RPS6KA6: variants seen among roughly 807,000 people sequenced by gnomAD.
RPS6KA6 encodes the protein ribosomal protein S6 kinase A6.
A neutral mutation model predicts 65.4 loss-of-function variants in RPS6KA6; 27 were observed. That is an observed-to-expected ratio of 0.41 (90% confidence interval 0.30 to 0.57). The LOEUF (loss-of-function observed/expected upper bound fraction) is 0.57, where lower values mean the gene tolerates loss of function less well. RPS6KA6 is among the 20% of genes least tolerant of loss of function. The pLI is 0.24. For missense variants in RPS6KA6, 486 were observed against 555.6 expected (o/e 0.87, Z 1.26); for synonymous variants, 190 against 184.2 (o/e 1.03, Z -0.26).
At chrX:84,168,078 G>C (rs2035625317) in intron 1 of RPS6KA6, among the ~76,000 whole-genome samples, 2 of 111,339 alleles carry the variant, frequency 1.8e-5, no homozygotes, top group Admixed American at 9.6e-5. Context: ...TATCTTATTT[G>C]ATCTCTCTGC....
Position 84,063,699 on chromosome X carries a change from G to T in RPS6KA6, c.*578C>A, listed in dbSNP as rs961290306. 1.8e-5 allele frequency: 2 copies of T among 111,753 alleles called. No homozygotes were observed. The highest frequency in any genetic ancestry group is 9.5e-5 in the Admixed American group (1 of 10,511). The allele number at this position is 111,753 out of a possible 1,213,427, so 9.2% of individuals were successfully genotyped here. ...AAAACTTTGGCACCAACTATATCAA[G>T]AATTCATATATTAGCACAAATGTAT... is the stretch of plus-strand genomic sequence containing the variant. On this transcript the variant is annotated 3_prime_UTR_variant, in exon 22 of 22. Transcript: ENST00000262752.
At chrX:84,072,670 T>C (rs1302515865) in intron 20 of RPS6KA6, among the ~76,000 whole-genome samples, 2 of 111,881 alleles carry the variant, frequency 1.8e-5, no homozygotes, top group East Asian at 2.8e-4. Context: ...CCACCAAAAA[T>C]TGTTAGAATA....
chrX:84,150,004 C>T (rs1240801406), intron 3 of RPS6KA6, among the ~76,000 whole-genome samples: 1 of 112,267 alleles, frequency 8.9e-6, no homozygotes, highest in Non-Finnish European at 1.9e-5. Flanking sequence ...GCTAGATCTT[C>T]TGACTAACCT....
At position 84,176,922 on chromosome X, in the gene RPS6KA6, T is replaced by G. The variant is rs182334151; in HGVS notation, c.81+10897A>C. On this transcript the variant is annotated intron_variant, in intron 1 of 21. Coordinates refer to ENST00000262752, the MANE Select transcript of RPS6KA6 (RefSeq NM_014496.5). ...TCAAATTCTACCTGATATGTGTGGG[T>G]TTTTTTCCATTAATAAATGTTTGCT... Among the ~76,000 whole-genome samples, 1,002 of 111,106 alleles carry G rather than the reference T, an allele frequency of 9.0e-3. 15 individuals are homozygous for G. The highest frequency in any genetic ancestry group is 0.032 in the African/African-American group (964 of 30,591).
At chrX:84,163,950 A>C (rs1041251705) in intron 2 of RPS6KA6, among the ~76,000 whole-genome samples, 2 of 112,117 alleles carry the variant, frequency 1.8e-5, no homozygotes, top group Non-Finnish European at 3.8e-5. Flanking sequence ...ATACAGTTCA[A>C]TATTTCCAAG....
At chrX:84,174,714 CTA>C (rs2035738312) in intron 1 of RPS6KA6, among the ~76,000 whole-genome samples, 1 of 111,632 alleles carries the variant, frequency 9.0e-6, no homozygotes, top group Admixed American at 9.5e-5. Flanking sequence ...CCACCTTACC[CTA>C]TGAAGACTTC....
intron 12 of RPS6KA6, among the ~76,000 whole-genome samples, chrX:84,115,362 A>C (rs2034544981): frequency 1.8e-5 from 2 of 112,081 alleles, no homozygotes; most frequent in Non-Finnish European, 1.9e-5. Flanking sequence ...AATGCTCAAT[A>C]TCACTAATCA....
At chrX:84,111,094 G>T (rs1198467476) in intron 12 of RPS6KA6, among the ~76,000 whole-genome samples, 1 of 107,745 alleles carries the variant, frequency 9.3e-6, no homozygotes. Flanking sequence ...CCATGCATAA[G>T]AAATAATTTT....
intron 1 of RPS6KA6, among the ~76,000 whole-genome samples, chrX:84,183,895 C>A (rs1442976306): frequency 1.8e-5 from 2 of 108,642 alleles, no homozygotes; most frequent in African/African-American, 3.3e-5. Flanking sequence ...TGTCTTACTA[C>A]CTGAATGTAA....
chrX:84,092,371 C>T (rs2034064757), intron 20 of RPS6KA6, among the ~76,000 whole-genome samples: 1 of 110,460 alleles, frequency 9.1e-6, no homozygotes, highest in Non-Finnish European at 1.9e-5. Context: ...AGCGTGTAAT[C>T]CTAGCACTTT....
At chrX:84,110,280 C>T (rs1278122073) in intron 12 of RPS6KA6, among the ~76,000 whole-genome samples, 1 of 111,946 alleles carries the variant, frequency 8.9e-6, no homozygotes, top group Admixed American at 9.4e-5. Flanking sequence ...TCTGCTGAGA[C>T]CTTGGCACTG....
intron 9 of RPS6KA6, among the ~76,000 whole-genome samples, chrX:84,118,617 T>C (rs2034612050): frequency 9.0e-6 from 1 of 111,666 alleles, no homozygotes; most frequent in South Asian, 3.7e-4. Flanking sequence ...TCTATTAACT[T>C]ACCATTCTTT....
At chrX:84,101,911 G>T in intron 18 of RPS6KA6, 126 bp downstream of exon 18, 3 of 525,034 alleles carry the variant, frequency 5.7e-6, no homozygotes, top group Non-Finnish European at 8.5e-6. Flanking sequence ...CTGATTTAAA[G>T]AACTTTAAAA....
intron 3 of RPS6KA6, 125 bp from the exon 4 acceptor site, chrX:84,148,248 C>T: frequency 2.5e-6 from 1 of 401,797 alleles, no homozygotes; most frequent in Middle Eastern, 6.2e-4. Flanking sequence ...CATATGCCTT[C>T]CCATAGAGGG....
At chrX:84,151,139 G>A (rs1483786513) in intron 3 of RPS6KA6, among the ~76,000 whole-genome samples, 17 of 94,180 alleles carry the variant, frequency 1.8e-4, no homozygotes, top group African/African-American at 6.6e-4. Context: ...TAGATATATA[G>A]GATATATAGA....
intron 16 of RPS6KA6, among the ~76,000 whole-genome samples, 156 bp from the exon 17 acceptor site, chrX:84,104,813 T>C (rs765339830): frequency 9.0e-6 from 1 of 110,896 alleles, no homozygotes; most frequent in Non-Finnish European, 1.9e-5. Context: ...CAGTACAGGC[T>C]GTACTAAAGG....
chrX:84,091,119 C>A (rs1473761313), intron 20 of RPS6KA6, among the ~76,000 whole-genome samples: 1 of 111,845 alleles, frequency 8.9e-6, no homozygotes, highest in Non-Finnish European at 1.9e-5. Context: ...GGACTACTTG[C>A]CTTCTAGCTC....
chrX:84,173,341 G>C (rs1239767044), intron 1 of RPS6KA6, among the ~76,000 whole-genome samples: 6 of 110,560 alleles, frequency 5.4e-5, no homozygotes, highest in Non-Finnish European at 1.1e-4. Flanking sequence ...TACTTTTACT[G>C]CCTTTGAAAA....
intron 12 of RPS6KA6, 141 bp downstream of exon 12, chrX:84,116,088 A>T (rs1005584972): frequency 5.2e-6 from 2 of 382,148 alleles, no homozygotes; most frequent in Admixed American, 5.7e-5. Context: ...CCAGATCTAA[A>T]TTATTTTTTT....
Sources: gnomAD v4.1 joint callset for allele counts (sites outside exome capture counted in the v4.1 genomes callset) on GRCh38, gnomAD v4.1.1 for gene constraint, MANE v1.5 for transcripts, NCBI Gene and HGNC (gene_info 2026-07-23, HGNC 2026-07-21) for gene names.